Variants in MIR2052HG observed in about 807,000 individuals in gnomAD.
MIR2052HG encodes the protein MIR2052 host gene.
intron 2 of MIR2052HG, among the ~76,000 whole-genome samples, chr8:74,672,441 T>C (rs1302340520): frequency 6.6e-6 from 1 of 152,070 alleles, no homozygotes; most frequent in Non-Finnish European, 1.5e-5. Flanking sequence ...TCTTGGGCTG[T>C]TCTGGAGATG....
chr8:74,727,507 A>G (rs1026733403), intron 4 of MIR2052HG, among the ~76,000 whole-genome samples: 2 of 140,928 alleles, frequency 1.4e-5, no homozygotes, highest in African/African-American at 4.9e-5. Context: ...CAAGAAGACG[A>G]TGTTCAGATC....
intron 1 of MIR2052HG, chr8:74,603,949 G>T (rs1383429338): frequency 1.0e-6 from 1 of 1,002,344 alleles, no homozygotes; most frequent in Admixed American, 1.7e-5. Flanking sequence ...CAGCCTCAGG[G>T]TGACTGGGGG....
chr8:74,732,064 A>G (rs1586926195), intron 4 of MIR2052HG, among the ~76,000 whole-genome samples: 1 of 152,302 alleles, frequency 6.6e-6, no homozygotes, highest in Non-Finnish European at 1.5e-5. Context: ...CAAGGAGACT[A>G]ATACAGTAGG....
intron 4 of MIR2052HG, among the ~76,000 whole-genome samples, chr8:74,716,488 G>A (rs1365317648): frequency 3.9e-5 from 6 of 152,128 alleles, no homozygotes; most frequent in South Asian, 2.1e-4. Flanking sequence ...TGAGGTGGGT[G>A]AATCACAAGG....
At chr8:74,680,029 T>C in intron 2 of MIR2052HG, among the ~76,000 whole-genome samples, 1 of 152,216 alleles carries the variant, frequency 6.6e-6, no homozygotes, top group Admixed American at 6.5e-5. Context: ...TCACGGATCA[T>C]ATTATTGTCA....
intron 2 of MIR2052HG, among the ~76,000 whole-genome samples, chr8:74,664,044 T>C (rs183479510): frequency 3.3e-4 from 50 of 152,296 alleles, no homozygotes; most frequent in African/African-American, 1.2e-3. Flanking sequence ...ATACTGTATG[T>C]TCTCACTTGT....
chr8:74,619,886 C>T (rs923378391), intron 2 of MIR2052HG, among the ~76,000 whole-genome samples: 4 of 152,188 alleles, frequency 2.6e-5, no homozygotes, highest in African/African-American at 9.7e-5. Context: ...AGTCTTAACT[C>T]ATTCCAACAT....
At chr8:74,624,755 C>T (rs1356825132) in intron 2 of MIR2052HG, among the ~76,000 whole-genome samples, 1 of 152,140 alleles carries the variant, frequency 6.6e-6, no homozygotes, top group East Asian at 1.9e-4. Context: ...TTTATGTATT[C>T]CTAACACTTA....
chr8:74,706,159 A>T (rs190612891), intron 4 of MIR2052HG, among the ~76,000 whole-genome samples: 2 of 151,954 alleles, frequency 1.3e-5, no homozygotes, highest in Admixed American at 1.3e-4. Flanking sequence ...TCCAGCTTGA[A>T]CCTCCAAGTC....
At chr8:74,604,040 A>G (rs1808069286) in intron 1 of MIR2052HG, 3 of 968,212 alleles carry the variant, frequency 3.1e-6, no homozygotes, top group Non-Finnish European at 5.1e-6. Flanking sequence ...AAGCCTTTGA[A>G]GACGGCATTA....
intron 2 of MIR2052HG, among the ~76,000 whole-genome samples, chr8:74,687,939 C>T (rs527428972): frequency 3.3e-5 from 5 of 152,204 alleles, no homozygotes; most frequent in African/African-American, 1.2e-4. Flanking sequence ...TGTCTAAACT[C>T]ATCAAATTAT....
At position 74,700,204 on chromosome 8, in the gene MIR2052HG, A is replaced by T. The variant is rs141306947; in HGVS notation, n.217-2175A>T. 8.8e-3 allele frequency among the ~76,000 whole-genome samples: 1,344 copies of T among 152,316 alleles called. 8 individuals are homozygous for T. Among genetic ancestry groups the T allele is most frequent in the Admixed American group, 0.015 (230 of 15,292 alleles). On this transcript the variant is annotated intron_variant and non_coding_transcript_variant, in intron 2 of 6. Coordinates refer to ENST00000523442, the Ensembl canonical transcript of MIR2052HG. Reference sequence around the variant, plus strand: ...AGCACATGCTGTGCTGTGTATATGTATGTGTGTGCATACGTATTATACATA... The same window carrying T: ...AGCACATGCTGTGCTGTGTATATGTTTGTGTGTGCATACGTATTATACATA...
At chr8:74,721,464 T>C (rs1809577597) in intron 4 of MIR2052HG, among the ~76,000 whole-genome samples, 1 of 152,212 alleles carries the variant, frequency 6.6e-6, no homozygotes, top group Non-Finnish European at 1.5e-5. Flanking sequence ...GTGCAGCTGC[T>C]TTTACCTGCC....
At chr8:74,705,218 A>G (rs757162818) in intron 4 of MIR2052HG, among the ~76,000 whole-genome samples, 17 of 152,102 alleles carry the variant, frequency 1.1e-4, no homozygotes, top group Non-Finnish European at 2.2e-4. Flanking sequence ...CAAAAGTTTC[A>G]TAGGAAAAAA....
intron 1 of MIR2052HG, among the ~76,000 whole-genome samples, chr8:74,607,349 C>T (rs925391283): frequency 7.9e-5 from 12 of 152,150 alleles, no homozygotes; most frequent in African/African-American, 1.2e-4. Context: ...TGGTGGCTCA[C>T]GCCTGTAATC....
At chr8:74,727,500 G>A (rs1374393268) in intron 4 of MIR2052HG, among the ~76,000 whole-genome samples, 1 of 143,252 alleles carries the variant, frequency 7.0e-6, no homozygotes, top group Non-Finnish European at 1.6e-5. Flanking sequence ...AGATAACCAA[G>A]AAGACGATGT....
At chr8:74,700,416 C>T (rs530294148) in intron 2 of MIR2052HG, among the ~76,000 whole-genome samples, 86 of 151,956 alleles carry the variant, frequency 5.7e-4, no homozygotes, top group African/African-American at 1.9e-3. Context: ...TAACATGAGC[C>T]GTATATGTCA....
intron 2 of MIR2052HG, among the ~76,000 whole-genome samples, chr8:74,690,141 G>A (rs989044818): frequency 1.3e-5 from 2 of 152,130 alleles, no homozygotes; most frequent in Admixed American, 1.3e-4. Context: ...ATTTCCATAC[G>A]TTGTTTTATT....
At chr8:74,710,269 G>C (rs1393608920) in intron 4 of MIR2052HG, among the ~76,000 whole-genome samples, 3 of 152,128 alleles carry the variant, frequency 2.0e-5, no homozygotes, top group African/African-American at 7.2e-5. Flanking sequence ...AGTGAAAATG[G>C]ATCCACCAAT....
Sources: allele counts gnomAD v4.1 joint callset (sites outside exome capture counted in the v4.1 genomes callset), GRCh38; gene constraint gnomAD v4.1.1; transcripts MANE v1.5; gene names NCBI Gene and HGNC (gene_info 2026-07-23, HGNC 2026-07-21).